PRKN: variants seen among roughly 807,000 people sequenced by gnomAD.
PRKN encodes the protein parkin RBR E3 ubiquitin protein ligase.
PRKN carries 56 observed loss-of-function variants against 59.5 expected under a neutral mutation model. That is an observed-to-expected ratio of 0.94 (90% CI 0.76 to 1.18). PRKN has a LOEUF of 1.18. Among genes scored for constraint, PRKN ranks in the 50% most tolerant of loss-of-function variants. The probability of loss-of-function intolerance (pLI) is 0.00; values close to 1 mark genes in which losing one functional copy is unlikely to be tolerated. For synonymous variants in PRKN, 250 were observed against 222.1 expected (o/e 1.13, Z -1.12); for missense variants, 657 against 596.4 (o/e 1.10, Z -1.06).
At chr6:162,054,265 G>T in intron 4 of PRKN, 91 bp from the exon 5 acceptor site, 1 of 841,160 alleles carries the variant, frequency 1.2e-6, no homozygotes, top group Non-Finnish European at 2.0e-6. Context: ...TAAAATAATA[G>T]TGAAATTAGT....
intron 2 of PRKN, among the ~76,000 whole-genome samples, chr6:162,365,073 A>AT (rs11406377): frequency 0.012 from 1,784 of 147,580 alleles, 33 homozygotes; most frequent in African/African-American, 0.041. Context: ...TTTACTAAGC[A>AT]TTTTTTTTTA....
intron 7 of PRKN, among the ~76,000 whole-genome samples, chr6:161,701,984 A>G (rs1371206832): frequency 3.9e-5 from 6 of 152,196 alleles, no homozygotes; most frequent in Admixed American, 2.0e-4. Context: ...TGCCAAACCA[A>G]TGATGCTACT....
At chr6:161,690,738 C>G (rs953074843) in intron 7 of PRKN, among the ~76,000 whole-genome samples, 3 of 152,258 alleles carry the variant, frequency 2.0e-5, no homozygotes, top group Middle Eastern at 3.4e-3. Flanking sequence ...TCAATCCTCT[C>G]CTGCCCTCAG....
At chr6:162,445,689 TAAAAAAAAAAAAAAA>T (rs71004091) in intron 1 of PRKN, among the ~76,000 whole-genome samples, 170 of 28,714 alleles carry the variant, frequency 5.9e-3, no homozygotes, top group African/African-American at 8.8e-3. Flanking sequence ...AGACCTTGTC[TAAAAAAAAAAAAAAA>T]AAAAAAAAAA....
intron 6 of PRKN, among the ~76,000 whole-genome samples, chr6:161,972,295 G>A (rs1169704251): frequency 2.7e-5 from 4 of 149,560 alleles, no homozygotes; most frequent in Non-Finnish European, 5.9e-5. Context: ...AAAAAAAAGA[G>A]TTCTTCCTGA....
intron 1 of PRKN, among the ~76,000 whole-genome samples, chr6:162,464,836 AAAG>A (rs781476467): frequency 1.2e-3 from 185 of 152,016 alleles, no homozygotes; most frequent in Non-Finnish European, 2.0e-3. Flanking sequence ...CTCAAAAAAA[AAAG>A]AAGAAGAAAA....
rs7745669 is a variant in PRKN at position 162,363,705 on chromosome 6, G to T, written c.171+79605C>A. Among the ~76,000 whole-genome samples, 1,079 of 152,224 alleles carry T rather than the reference G, an allele frequency of 7.1e-3. 3 individuals carry two copies. The highest frequency in any genetic ancestry group is 0.019 in the African/African-American group (777 of 41,558). Reference sequence around the variant, plus strand: ...GTAATATGCATGACTACGTTAACAGGATTATATGCTATTAGATATTGTGAT... The same window carrying T: ...GTAATATGCATGACTACGTTAACAGTATTATATGCTATTAGATATTGTGAT... On this transcript the variant is annotated intron_variant, in intron 2 of 11. Transcript: ENST00000366898.
At chr6:161,794,055 C>G (rs1188788895) in intron 6 of PRKN, among the ~76,000 whole-genome samples, 1 of 152,146 alleles carries the variant, frequency 6.6e-6, no homozygotes, top group East Asian at 1.9e-4. Flanking sequence ...CCCTTTCACT[C>G]CTGGGCAACG....
Position 161,372,612 on chromosome 6 carries a change from G to C in PRKN, c.1168-12407C>G, listed in dbSNP as rs1340782681. Among the ~76,000 whole-genome samples the C allele has an allele frequency of 6.6e-6, 1 of 152,126 alleles. No homozygotes were observed. The highest frequency in any genetic ancestry group is 1.5e-5 in the Non-Finnish European group (1 of 68,032). The stretch of plus-strand genomic sequence containing the variant: ...GTGGAGCTTCCCCATTAGCAGAACG[G>C]CGGCTCTCAGACCAGCGGCACCGGA... On this transcript the variant is annotated intron_variant, in intron 10 of 11. Transcript: ENST00000366898. The surrounding 1 kb of genome is among the most constrained non-coding windows in gnomAD (Gnocchi z 4.2).
chr6:162,675,665 C>T (rs2803089), intron 1 of PRKN, among the ~76,000 whole-genome samples: 139,559 of 152,268 alleles, frequency 0.92, 64,123 homozygotes, highest in East Asian at 0.98. Context: ...TAGAGAGATA[C>T]TATGTGTCTG....
intron 7 of PRKN, among the ~76,000 whole-genome samples, chr6:161,651,313 C>G (rs1199768254): frequency 3.3e-5 from 5 of 152,240 alleles, no homozygotes; most frequent in African/African-American, 1.2e-4. Context: ...CTTCTTGGTC[C>G]CAGCAAACAC....
At chr6:162,081,392 A>T (rs933162273) in intron 4 of PRKN, among the ~76,000 whole-genome samples, 1 of 152,130 alleles carries the variant, frequency 6.6e-6, no homozygotes, top group Non-Finnish European at 1.5e-5. Flanking sequence ...CATGGACTGC[A>T]GAATTTAGGT....
At chr6:161,780,366 T>C (rs1790152109) in intron 7 of PRKN, among the ~76,000 whole-genome samples, 1 of 152,152 alleles carries the variant, frequency 6.6e-6, no homozygotes, top group Admixed American at 6.5e-5. Flanking sequence ...AAAGACTTAA[T>C]GTACAGAATG....
intron 2 of PRKN, among the ~76,000 whole-genome samples, chr6:162,433,558 G>A (rs760981203): frequency 2.0e-4 from 25 of 127,508 alleles, no homozygotes; most frequent in Non-Finnish European, 2.4e-4. Context: ...GTATCTCAAT[G>A]TTCCTCAAAA....
intron 1 of PRKN, among the ~76,000 whole-genome samples, chr6:162,544,046 A>G (rs1779025059): frequency 6.6e-6 from 1 of 152,138 alleles, no homozygotes; most frequent in Admixed American, 6.6e-5. Context: ...CTTGTACTCT[A>G]CTAGCTCTCC....
At chr6:162,567,614 C>T (rs4708969) in intron 1 of PRKN, among the ~76,000 whole-genome samples, 46,699 of 112,088 alleles carry the variant, frequency 0.42, 7,635 homozygotes, top group East Asian at 0.59. Flanking sequence ...TGAAATAAAT[C>T]AAAGAGAATG....
intron 6 of PRKN, among the ~76,000 whole-genome samples, chr6:161,825,778 A>T (rs1221007644): frequency 6.6e-6 from 1 of 152,040 alleles, no homozygotes; most frequent in Non-Finnish European, 1.5e-5. Flanking sequence ...TGGGTAAACA[A>T]AGGCCTCCTT....
Position 162,286,475 on chromosome 6 carries a change from G to C in PRKN, c.172-23710C>G, listed in dbSNP as rs550768398. 8.5e-5 allele frequency among the ~76,000 whole-genome samples: 13 copies of C among 152,190 alleles called. No homozygotes were observed. In the South Asian group the frequency reaches 2.7e-3, roughly 32 times the overall value. ...TTCCAACTCATTTTCATACTTTTAA[G>C]CCCACTGGCATTATACATGCAATAC... On this transcript the variant is annotated intron_variant, in intron 2 of 11. Coordinates refer to ENST00000366898, the MANE Select transcript of PRKN (RefSeq NM_004562.3).
At chr6:162,101,571 C>T (rs1373985126) in intron 4 of PRKN, among the ~76,000 whole-genome samples, 1 of 151,692 alleles carries the variant, frequency 6.6e-6, no homozygotes, top group East Asian at 2.0e-4. Flanking sequence ...ACTTGGGAGG[C>T]TGAGGCAGGA....
Sources: allele counts gnomAD v4.1 joint callset (sites outside exome capture counted in the v4.1 genomes callset), GRCh38; gene constraint gnomAD v4.1.1; non-coding constraint Gnocchi (gnomAD v3.1); transcripts MANE v1.5; gene names NCBI Gene and HGNC (gene_info 2026-07-23, HGNC 2026-07-21).